ATXN1: variants seen among roughly 807,000 people sequenced by gnomAD.
ATXN1 encodes the protein ataxin-1.
Under a neutral mutation model 56.4 loss-of-function variants are expected in ATXN1, and 8 were observed. The ratio of observed to expected loss-of-function variants is 0.14; its 90% CI spans 0.08 to 0.26. ATXN1 has a LOEUF of 0.26. Among genes scored for constraint, ATXN1 ranks in the 10% least tolerant of loss-of-function variants. The pLI is 1.00. For synonymous variants in ATXN1, 514 were observed against 494.6 expected (o/e 1.04, Z -0.52); for missense variants, 987 against 1,106.5 (o/e 0.89, Z 1.53).
rs1366708328 is a variant in ATXN1 at position 16,760,787 on chromosome 6, GC to G, written c.-730+510del. ...GGGGAGGAGGAATGGGAAGAGGGCG[GC>G]CGGGAAAGGGACCACCCCCCAACCC... On this transcript the variant is annotated intron_variant, in intron 1 of 7. Coordinates refer to ENST00000436367, the MANE Select transcript of ATXN1 (RefSeq NM_001128164.2). The surrounding 1 kb of genome is among the most constrained non-coding windows in gnomAD (Gnocchi z 5.3). 6.6e-5 allele frequency among the ~76,000 whole-genome samples: 10 copies of G among 151,262 alleles called. No individual in the cohort carries two copies. In the East Asian group the frequency reaches 1.6e-3, roughly 24 times the overall value.
chr6:16,744,944 G>T (rs1760473994), intron 2 of ATXN1, among the ~76,000 whole-genome samples: 2 of 152,074 alleles, frequency 1.3e-5, no homozygotes, highest in Non-Finnish European at 2.9e-5. Flanking sequence ...CTTTTTAAAT[G>T]GATTAATATC....
At chr6:16,642,883 CATAACTT>C (rs1763731024) in intron 3 of ATXN1, among the ~76,000 whole-genome samples, 1 of 152,322 alleles carries the variant, frequency 6.6e-6, no homozygotes, top group South Asian at 2.1e-4. Context: ...ATGGTGTAAA[CATAACTT>C]ATATGCACTG....
At chr6:16,657,052 C>T (rs920602445) in intron 3 of ATXN1, among the ~76,000 whole-genome samples, 2 of 146,248 alleles carry the variant, frequency 1.4e-5, no homozygotes, top group Admixed American at 6.9e-5. Context: ...GGTGCAATCT[C>T]GGCTCACTGC....
At chr6:16,310,363 A>G (rs1760360215) in intron 7 of ATXN1, among the ~76,000 whole-genome samples, 1 of 152,240 alleles carries the variant, frequency 6.6e-6, no homozygotes, top group African/African-American at 2.4e-5. Context: ...TTAGGTAGAG[A>G]AAAAACAAAT....
In ATXN1 at chr6:16,689,510, CT is replaced by C. The variant is rs371753662; in HGVS notation, c.-614-31610del. ...TCTTTTTTTTCCTTCCTTTTTTTTT[CT>C]TTTTTTTTTCTTTTTTTTTTTTTTG... On this transcript the variant is annotated intron_variant, in intron 2 of 7. Coordinates refer to ENST00000436367, the MANE Select transcript of ATXN1 (RefSeq NM_001128164.2). 2.3e-3 allele frequency among the ~76,000 whole-genome samples: 293 copies of C among 126,902 alleles called. 1 individual carries two copies. The highest frequency in any genetic ancestry group is 7.6e-3 in the African/African-American group (266 of 35,120). 83.3% of individuals were successfully genotyped at this position (126,902 alleles called of 152,430 possible).
At chr6:16,660,822 T>C (rs1758302102) in intron 2 of ATXN1, among the ~76,000 whole-genome samples, 3 of 150,146 alleles carry the variant, frequency 2.0e-5, no homozygotes, top group African/African-American at 5.0e-5. Context: ...AAGAGGTTTA[T>C]TTTGTTTTGG....
intron 6 of ATXN1, among the ~76,000 whole-genome samples, chr6:16,421,420 T>TA (rs1759029458): frequency 1.3e-5 from 2 of 152,190 alleles, no homozygotes; most frequent in African/African-American, 4.8e-5. Flanking sequence ...TAATGACTAA[T>TA]TTTTAAATAA....
intron 5 of ATXN1, among the ~76,000 whole-genome samples, chr6:16,515,755 T>C (rs1181660332): frequency 6.6e-6 from 1 of 152,144 alleles, no homozygotes; most frequent in Admixed American, 6.5e-5. Context: ...GATCTGGAGC[T>C]GAATTGTGGT....
Position 16,326,516 on chromosome 6 carries a change from T to A in ATXN1, c.1795A>T (p.Ile599Phe). ...KVEDLKTEDF[I>F]QSAEISNDLK... Reference sequence around the variant, plus strand: ...TCGTTGCTTATCTCTGCACTCTGGATGAAATCTTCTGTTTTTAAGTCTTCC... The same window carrying A: ...TCGTTGCTTATCTCTGCACTCTGGAAGAAATCTTCTGTTTTTAAGTCTTCC... Residue 599 changes from isoleucine (I) to phenylalanine (F), a missense_variant, in exon 7 of 8, where the codon ATC (isoleucine) becomes TTC (phenylalanine). Around this residue, in one of 3 missense-constraint regions of ATXN1, gnomAD observed 68 missense variants for 118.1 expected, o/e 0.58. Transcript: ENST00000436367. The surrounding 1 kb of genome is among the most constrained non-coding windows in gnomAD (Gnocchi z 6.6). 6.2e-7 allele frequency: 1 copy of A among 1,614,218 alleles called. No homozygotes were observed. The highest frequency in any genetic ancestry group is 8.5e-7 in the Non-Finnish European group (1 of 1,180,040).
At chr6:16,570,629 TC>T (rs530290831) in intron 4 of ATXN1, among the ~76,000 whole-genome samples, 4 of 152,318 alleles carry the variant, frequency 2.6e-5, no homozygotes, top group African/African-American at 9.6e-5. Context: ...CATTCACTAT[TC>T]ATTTATTCAG....
chr6:16,540,359 G>A (rs1248182276), intron 4 of ATXN1, among the ~76,000 whole-genome samples: 2 of 152,058 alleles, frequency 1.3e-5, no homozygotes, highest in Non-Finnish European at 2.9e-5. Flanking sequence ...CTACAGGCGC[G>A]TGCCACCACG....
chr6:16,589,102 T>C (rs1762678228), intron 3 of ATXN1, among the ~76,000 whole-genome samples: 1 of 152,036 alleles, frequency 6.6e-6, no homozygotes, highest in South Asian at 2.1e-4. Flanking sequence ...TCAAACTCAC[T>C]CAGTCTTCAA....
At chr6:16,680,367 T>C (rs1758789116) in intron 2 of ATXN1, among the ~76,000 whole-genome samples, 1 of 152,216 alleles carries the variant, frequency 6.6e-6, no homozygotes, top group African/African-American at 2.4e-5. Flanking sequence ...CTTCCTTTTC[T>C]TTCTTTTCCT....
At chr6:16,475,798 G>A (rs1760314584) in intron 6 of ATXN1, among the ~76,000 whole-genome samples, 1 of 152,010 alleles carries the variant, frequency 6.6e-6, no homozygotes, top group African/African-American at 2.4e-5. Flanking sequence ...GAGAACCCAG[G>A]TGTCCCTTCT....
intron 2 of ATXN1, among the ~76,000 whole-genome samples, chr6:16,679,445 AGG>A (rs1273999743): frequency 6.6e-6 from 1 of 152,072 alleles, no homozygotes; most frequent in African/African-American, 2.4e-5. Flanking sequence ...AAAGGGAGAA[AGG>A]GGGGACAGAA....
intron 4 of ATXN1, among the ~76,000 whole-genome samples, chr6:16,550,847 T>C (rs1761909227): frequency 1.3e-5 from 2 of 152,232 alleles, no homozygotes; most frequent in East Asian, 3.8e-4. Context: ...TTGTATTCCA[T>C]ATTTGAAAAC....
intron 2 of ATXN1, among the ~76,000 whole-genome samples, chr6:16,702,913 G>T (rs369831124): frequency 3.3e-5 from 5 of 152,184 alleles, no homozygotes; most frequent in Admixed American, 6.5e-5. Context: ...CATTGTGGAA[G>T]TCAGTGTGGC....
chr6:16,582,024 T>A (rs1762539716), intron 4 of ATXN1, among the ~76,000 whole-genome samples: 1 of 152,246 alleles, frequency 6.6e-6, no homozygotes, highest in East Asian at 1.9e-4. Flanking sequence ...CCCTAGCAAC[T>A]GTGCATTCGA....
chr6:16,437,287 G>C (rs1759413684), intron 6 of ATXN1, among the ~76,000 whole-genome samples: 1 of 152,224 alleles, frequency 6.6e-6, no homozygotes, highest in Admixed American at 6.5e-5. Flanking sequence ...CTTGTGATTA[G>C]GCTGTATCGG....
Sources: allele counts gnomAD v4.1 joint callset (sites outside exome capture counted in the v4.1 genomes callset), GRCh38; gene constraint gnomAD v4.1.1; regional missense constraint gnomAD v4.1.1; non-coding constraint Gnocchi (gnomAD v3.1); transcripts MANE v1.5; gene names NCBI Gene and HGNC (gene_info 2026-07-23, HGNC 2026-07-21).